The following GNA11 variants were observed in gnomAD, a reference collection of about 807,000 sequenced individuals.
GNA11 encodes the protein G protein subunit alpha 11.
A neutral mutation model predicts 38.2 loss-of-function variants in GNA11; 8 were observed. The observed-to-expected ratio is 0.21, with a 90% CI of 0.12 to 0.38. The LOEUF is 0.38. GNA11 is among the 10% of genes least tolerant of loss of function. The pLI is 1.00. For synonymous variants in GNA11, 211 were observed against 221.4 expected (o/e 0.95, Z 0.42); for missense variants, 268 against 516.3 (o/e 0.52, Z 4.66).
chr19:3,095,641 G>T (rs935113299), intron 1 of GNA11, among the ~76,000 whole-genome samples: 1 of 152,100 alleles, frequency 6.6e-6, no homozygotes, highest in South Asian at 2.1e-4. Context: ...AATGCACCCT[G>T]TGGGAAAAAG....
chr19:3,123,474 C>G lies in GNA11; in HGVS notation c.*2295C>G, dbSNP rs1394085196. 4.3e-6 allele frequency: 1 copy of G among 233,262 alleles called. No homozygotes were observed. Among genetic ancestry groups the G allele is most frequent in the Non-Finnish European group, 8.5e-6 (1 of 118,084 alleles). The allele number at this position is 233,262 out of a possible 1,614,324, so 14.4% of individuals were successfully genotyped here. On this transcript the variant is annotated 3_prime_UTR_variant, in exon 7 of 7. Transcript: ENST00000078429. ...CAGGGGCAAGGACAGCCAACCCCCA[C>G]CCTTGCCACGTGTGGGGCCACGTGG...
chr19:3,121,818 C>T lies in GNA11; in HGVS notation c.*639C>T. ...GGTGGGGGGCTCCCTCGGTCGCCCA[C>T]CCTGGGAAGTGCCTAACCTTTTATT... On this transcript the variant is annotated 3_prime_UTR_variant, in exon 7 of 7. Coordinates refer to ENST00000078429, the MANE Select transcript of GNA11 (RefSeq NM_002067.5). The T allele has an allele frequency of 4.3e-6, 1 of 232,476 alleles. No individual in the cohort carries two copies. Among genetic ancestry groups the T allele is most frequent in the Non-Finnish European group, 8.5e-6 (1 of 117,520 alleles). 14.4% of individuals were successfully genotyped at this position (232,476 alleles called of 1,614,324 possible). A position where few individuals can be genotyped will look rare whatever the true frequency, so the allele number is the denominator to read the frequency against.
At position 3,120,911 on chromosome 19, in the gene GNA11, T is replaced by C. The variant is rs1914055355; in HGVS notation, c.890-78T>C. ...CCGTGGGCCTTACTCGCTCATCCCC[T>C]GGGAGTGACAAAGGGGCCCACGAGT... On this transcript the variant is annotated intron_variant, in intron 6 of 6. Coordinates refer to ENST00000078429, the MANE Select transcript of GNA11 (RefSeq NM_002067.5). The surrounding 1 kb of genome is among the most constrained non-coding windows in gnomAD (Gnocchi z 5.9). The C allele has an allele frequency of 9.1e-7, 1 of 1,102,788 alleles. No individual in the cohort carries two copies. Among genetic ancestry groups the C allele is most frequent in the Non-Finnish European group, 1.3e-6 (1 of 749,598 alleles). The allele number at this position is 1,102,788 out of a possible 1,614,324, so 68.3% of individuals were successfully genotyped here. A position where few individuals can be genotyped will look rare whatever the true frequency, so the allele number is the denominator to read the frequency against.
In GNA11 at chr19:3,123,240, G is replaced by A. The variant is rs569400256; in HGVS notation, c.*2061G>A. The A allele has an allele frequency of 2.6e-5, 6 of 233,218 alleles. No individual in the cohort carries two copies. The highest frequency in any genetic ancestry group is 1.2e-3 in the Middle Eastern group (1 of 808). 14.4% of individuals were successfully genotyped at this position (233,218 alleles called of 1,614,324 possible). On this transcript the variant is annotated 3_prime_UTR_variant, in exon 7 of 7. Coordinates refer to ENST00000078429, the MANE Select transcript of GNA11 (RefSeq NM_002067.5). ...CCCAGCACGCAGGCCGGGGCGCTGC[G>A]GGGCTAAGTATTAGGCCTTCCCAGG... is the stretch of plus-strand genomic sequence containing the variant.
In GNA11 at chr19:3,094,922, GCCCTGCCTGTGCCTT is replaced by G. The variant is rs1391057134; in HGVS notation, c.136+146_136+160del. ...CGGGTCGCGAGACCCTCCGGGGTCA[GCCCTGCCTGTGCCTT>G]CCCTGCCTGTCCGGGTCGCGGGACC... On this transcript the variant is annotated intron_variant, in intron 1 of 6. Coordinates refer to ENST00000078429, the MANE Select transcript of GNA11 (RefSeq NM_002067.5). The surrounding 1 kb of genome is among the most constrained non-coding windows in gnomAD (Gnocchi z 6.0). 5.2e-6 allele frequency: 3 copies of G among 578,192 alleles called. No individual in the cohort carries two copies. The highest frequency in any genetic ancestry group is 8.7e-5 in the Admixed American group (2 of 22,920). 35.8% of individuals were successfully genotyped at this position (578,192 alleles called of 1,614,324 possible). A position where few individuals can be genotyped will look rare whatever the true frequency, so the allele number is the denominator to read the frequency against.
intron 1 of GNA11, among the ~76,000 whole-genome samples, chr19:3,098,501 G>A (rs961415728): frequency 3.9e-5 from 6 of 152,354 alleles, no homozygotes; most frequent in Non-Finnish European, 4.4e-5. Context: ...GGTTGGAAAC[G>A]TGGGGACTTC....
intron 3 of GNA11, among the ~76,000 whole-genome samples, chr19:3,114,590 G>C (rs57763090): frequency 1.3e-5 from 2 of 152,132 alleles, no homozygotes; most frequent in African/African-American, 4.8e-5. Flanking sequence ...GGCCTCTCTC[G>C]GGAAGTCCCC....
intron 1 of GNA11, among the ~76,000 whole-genome samples, chr19:3,102,168 C>T (rs1913522211): frequency 6.6e-6 from 1 of 152,124 alleles, no homozygotes; most frequent in Non-Finnish European, 1.5e-5. Context: ...GTGACACCAT[C>T]CGCTTCCAGT....
chr19:3,111,169 A>T lies in GNA11; in HGVS notation c.321+836A>T, dbSNP rs570485797. The stretch of plus-strand genomic sequence containing the variant: ...TGCCCTGTTTTTAAATCACAGCTTT[A>T]TTGAGTTATAATTCACATTCTATGC... On this transcript the variant is annotated intron_variant, in intron 2 of 6. Transcript: ENST00000078429. Among the ~76,000 whole-genome samples the T allele has an allele frequency of 7.9e-5, 12 of 151,698 alleles. No homozygotes were observed. The South Asian group carries it at 2.3e-3, about 29-fold the overall frequency.
intron 4 of GNA11, chr19:3,115,355 T>C: frequency 8.2e-6 from 3 of 364,154 alleles, no homozygotes; most frequent in South Asian, 7.6e-5. Flanking sequence ...AAGTGAGCCA[T>C]GATGGCACCA....
At chr19:3,098,270 C>T (rs1210683958) in intron 1 of GNA11, among the ~76,000 whole-genome samples, 2 of 152,218 alleles carry the variant, frequency 1.3e-5, no homozygotes, top group African/African-American at 4.8e-5. Flanking sequence ...GCACTTAGTG[C>T]ACACGCTGCT....
rs896043978 is a variant in GNA11, at chr19:3,122,264, C to T, written c.*1085C>T. The T allele has an allele frequency of 8.6e-6, 2 of 232,714 alleles. No homozygotes were observed. Among genetic ancestry groups the T allele is most frequent in the Non-Finnish European group, 1.7e-5 (2 of 117,628 alleles). The allele number at this position is 232,714 out of a possible 1,614,324, so 14.4% of individuals were successfully genotyped here. A position where few individuals can be genotyped will look rare whatever the true frequency, so the allele number is the denominator to read the frequency against. On this transcript the variant is annotated 3_prime_UTR_variant, in exon 7 of 7. Coordinates refer to ENST00000078429, the MANE Select transcript of GNA11 (RefSeq NM_002067.5). This position sits in a 1 kb window ranked among gnomAD's most constrained non-coding sequence, Gnocchi z 7.7. ...TGTACCCGAGAGGCAGAGAGAGGGA[C>T]GTGGCCGGCAGCTCTGTGCGTGGCC... is the stretch of plus-strand genomic sequence containing the variant.
chr19:3,112,751 G>A (rs934422985), intron 2 of GNA11, among the ~76,000 whole-genome samples: 2 of 152,258 alleles, frequency 1.3e-5, no homozygotes, highest in African/African-American at 4.8e-5. Context: ...TTAGCACCGG[G>A]TGTGGTATCT....
chr19:3,102,784 G>C (rs74576888), intron 1 of GNA11, among the ~76,000 whole-genome samples: 1 of 152,194 alleles, frequency 6.6e-6, no homozygotes, highest in South Asian at 2.1e-4. Flanking sequence ...GGGCCCCTGC[G>C]TCAGGTTGGT....
In GNA11 at chr19:3,119,435, G is replaced by A; in HGVS notation, c.889+76G>A. ...GGGGAGGGGGCTGATATGGGAGAGG[G>A]GCTCATACAGGCCGGGAGCTCTAAG... On this transcript the variant is annotated intron_variant, in intron 6 of 6. Coordinates refer to ENST00000078429, the MANE Select transcript of GNA11 (RefSeq NM_002067.5). This position sits in a 1 kb window ranked among gnomAD's most constrained non-coding sequence, Gnocchi z 4.6. The A allele has an allele frequency of 2.2e-6, 3 of 1,364,054 alleles. No homozygotes were observed. The highest frequency in any genetic ancestry group is 2.0e-6 in the Non-Finnish European group (2 of 977,314). 84.5% of individuals were successfully genotyped at this position (1,364,054 alleles called of 1,614,324 possible).
chr19:3,123,586 C>T lies in GNA11; in HGVS notation c.*2407C>T, dbSNP rs781383921. The T allele has an allele frequency of 5.1e-5, 12 of 233,038 alleles. No homozygotes were observed. Among genetic ancestry groups the T allele is most frequent in the African/African-American group, 2.0e-4 (9 of 45,342 alleles). The allele number at this position is 233,038 out of a possible 1,614,324, so 14.4% of individuals were successfully genotyped here. A position where few individuals can be genotyped will look rare whatever the true frequency, so the allele number is the denominator to read the frequency against. ...CCGACCACCTTCTCCGACCATGTTACGCCCGGGCGGCAGCAGCCCCCGGCC... is the reference window on the plus strand; with the variant it reads ...CCGACCACCTTCTCCGACCATGTTATGCCCGGGCGGCAGCAGCCCCCGGCC... On this transcript the variant is annotated 3_prime_UTR_variant, in exon 7 of 7. Transcript: ENST00000078429.
rs2145326274 is a variant in GNA11 at position 3,119,014 on chromosome 19, C to T, written c.696C>T (p.Leu232=). 7 of 1,613,894 alleles carry T rather than the reference C, an allele frequency of 4.3e-6. No individual in the cohort carries two copies. The highest frequency in any genetic ancestry group is 5.9e-6 in the Non-Finnish European group (7 of 1,179,872). ...CATCCATCATGTTTCTCGTCGCCCT[C>T]AGCGAATACGACCAAGTCCTGGTGG... is the stretch of plus-strand genomic sequence containing the variant. ...NVTSIMFLVA[L]SEYDQVLVES... is the part of the protein sequence containing the mutation. The change falls in exon 5 of 7, where the codon CTC becomes CTT. Residue 232 remains leucine, a synonymous_variant. Coordinates refer to ENST00000078429, the MANE Select transcript of GNA11 (RefSeq NM_002067.5). The surrounding 1 kb of genome is among the most constrained non-coding windows in gnomAD (Gnocchi z 4.6).
chr19:3,099,767 G>A (rs1162695126), intron 1 of GNA11, among the ~76,000 whole-genome samples: 1 of 152,154 alleles, frequency 6.6e-6, no homozygotes, highest in Admixed American at 6.5e-5. Context: ...CTGGCCTCCC[G>A]CAGTCTGCCG....
intron 1 of GNA11, among the ~76,000 whole-genome samples, chr19:3,096,706 C>T: frequency 7.5e-6 from 1 of 133,930 alleles, no homozygotes; most frequent in Non-Finnish European, 1.7e-5. Context: ...TCTGCAGTCC[C>T]ACCCCCTCCC....
Sources: allele counts gnomAD v4.1 joint callset (sites outside exome capture counted in the v4.1 genomes callset), GRCh38; gene constraint gnomAD v4.1.1; non-coding constraint Gnocchi (gnomAD v3.1); transcripts MANE v1.5; gene names NCBI Gene and HGNC (gene_info 2026-07-23, HGNC 2026-07-21).